The following MEIS2 variants were observed in gnomAD, a reference collection of about 807,000 sequenced individuals.
The protein encoded by MEIS2 is Meis homeobox 2.
Under a neutral mutation model 58.6 loss-of-function variants are expected in MEIS2, and 9 were observed. The observed-to-expected ratio is 0.15, with a 90% CI of 0.09 to 0.27. The LOEUF is 0.27. Ranked by LOEUF, MEIS2 falls within the 10% of genes least tolerant of loss-of-function variation. The pLI is 1.00. For missense variants in MEIS2, 427 were observed against 635.0 expected (o/e 0.67, Z 3.52); for synonymous variants, 221 against 228.4 (o/e 0.97, Z 0.29).
At chr15:37,082,240 C>T (rs1892322080) in intron 7 of MEIS2, among the ~76,000 whole-genome samples, 1 of 152,128 alleles carries the variant, frequency 6.6e-6, no homozygotes, top group Non-Finnish European at 1.5e-5. Flanking sequence ...GCGCTGGGCT[C>T]CTGAGCAAAG....
chr15:37,078,121 C>T (rs79639648), intron 7 of MEIS2, among the ~76,000 whole-genome samples: 1 of 152,026 alleles, frequency 6.6e-6, no homozygotes, highest in African/African-American at 2.4e-5. Context: ...TCAGTAATTA[C>T]CCCACCCAGT....
intron 8 of MEIS2, among the ~76,000 whole-genome samples, chr15:36,964,955 A>G (rs754977112): frequency 3.3e-5 from 5 of 152,202 alleles, no homozygotes; most frequent in Non-Finnish European, 7.3e-5. Flanking sequence ...TTTTTCTAAT[A>G]TTAGCTGCTG....
intron 6 of MEIS2, among the ~76,000 whole-genome samples, chr15:37,089,924 C>T (rs1893318744): frequency 6.6e-6 from 1 of 152,068 alleles, no homozygotes; most frequent in Non-Finnish European, 1.5e-5. Context: ...ATGTGAGTAT[C>T]ACCTGTTATT....
intron 11 of MEIS2, among the ~76,000 whole-genome samples, chr15:36,893,846 TAGAG>T (rs1180716482): frequency 1.3e-5 from 2 of 152,178 alleles, no homozygotes; most frequent in African/African-American, 2.4e-5. Context: ...TATTTACATA[TAGAG>T]AATGATTTAA....
chr15:37,085,273 C>A (rs760796230), intron 6 of MEIS2, among the ~76,000 whole-genome samples: 3 of 152,056 alleles, frequency 2.0e-5, no homozygotes, highest in Non-Finnish European at 4.4e-5. Flanking sequence ...TGGGTATAGG[C>A]AACAAATAAA....
At chr15:36,966,915 A>G (rs2059377395) in intron 8 of MEIS2, among the ~76,000 whole-genome samples, 1 of 152,144 alleles carries the variant, frequency 6.6e-6, no homozygotes, top group Non-Finnish European at 1.5e-5. Flanking sequence ...AGGAGCCCAG[A>G]GCCCTACTGC....
At chr15:37,025,479 T>G (rs1040200451) in intron 8 of MEIS2, among the ~76,000 whole-genome samples, 4 of 152,156 alleles carry the variant, frequency 2.6e-5, no homozygotes, top group African/African-American at 9.7e-5. Flanking sequence ...ATGTTTGCTT[T>G]TATCAACACA....
chr15:36,910,407 C>G (rs553439224), intron 9 of MEIS2, among the ~76,000 whole-genome samples: 1 of 152,122 alleles, frequency 6.6e-6, no homozygotes, highest in South Asian at 2.1e-4. Flanking sequence ...GTGTCACAGC[C>G]TTTAATAGAG....
intron 8 of MEIS2, among the ~76,000 whole-genome samples, chr15:37,014,335 G>A (rs866081371): frequency 6.6e-6 from 1 of 152,140 alleles, no homozygotes. Context: ...AAGTGTGGAT[G>A]CAGTACTATA....
At chr15:36,911,373 A>G (rs142544422) in intron 9 of MEIS2, among the ~76,000 whole-genome samples, 1,523 of 152,210 alleles carry the variant, frequency 0.01, 17 homozygotes, top group Non-Finnish European at 0.016. Flanking sequence ...ATTAATCAGA[A>G]CTGTGACTGA....
chr15:36,948,175 C>T (rs1434715177), intron 9 of MEIS2, among the ~76,000 whole-genome samples: 1 of 151,900 alleles, frequency 6.6e-6, no homozygotes, highest in African/African-American at 2.4e-5. Flanking sequence ...GAAGTGTCAA[C>T]GTTTATGCTG....
intron 8 of MEIS2, among the ~76,000 whole-genome samples, chr15:37,008,038 C>T (rs113052011): frequency 7.2e-5 from 11 of 152,254 alleles, no homozygotes; most frequent in African/African-American, 1.7e-4. Context: ...TTAAATCGAA[C>T]GCAGAGAATT....
intron 8 of MEIS2, among the ~76,000 whole-genome samples, chr15:37,024,681 C>T (rs1444143175): frequency 6.6e-6 from 1 of 152,186 alleles, no homozygotes; most frequent in Non-Finnish European, 1.5e-5. Flanking sequence ...AAATAAAATT[C>T]CACTTATCAC....
At chr15:36,930,631 T>A (rs2057940757) in intron 9 of MEIS2, among the ~76,000 whole-genome samples, 1 of 152,052 alleles carries the variant, frequency 6.6e-6, no homozygotes, top group Admixed American at 6.6e-5. Context: ...ATTAAAAGAA[T>A]TTCCAACTTG....
At chr15:37,058,474 T>C (rs1888746031) in intron 7 of MEIS2, among the ~76,000 whole-genome samples, 1 of 152,186 alleles carries the variant, frequency 6.6e-6, no homozygotes, top group Non-Finnish European at 1.5e-5. Context: ...GGGCCAGGGC[T>C]GAGAGTACAT....
intron 7 of MEIS2, among the ~76,000 whole-genome samples, chr15:37,063,380 T>C (rs1177595178): frequency 6.6e-6 from 1 of 152,120 alleles, no homozygotes; most frequent in Non-Finnish European, 1.5e-5. Context: ...CAGGGTGTGG[T>C]ACCCTGGTTA....
chr15:36,952,796 A>C (rs560466350), intron 8 of MEIS2, among the ~76,000 whole-genome samples: 209 of 152,240 alleles, frequency 1.4e-3, no homozygotes, highest in Non-Finnish European at 1.6e-3. Context: ...AATAACAATA[A>C]TTCTTTCCAG....
At chr15:37,005,671 C>T (rs949654320) in intron 8 of MEIS2, among the ~76,000 whole-genome samples, 1 of 152,160 alleles carries the variant, frequency 6.6e-6, no homozygotes, top group Admixed American at 6.5e-5. Flanking sequence ...TCCTCCGCCT[C>T]TCAGCCTCCC....
chr15:37,029,227 G>C (rs1436667757), intron 8 of MEIS2, among the ~76,000 whole-genome samples: 2 of 152,184 alleles, frequency 1.3e-5, no homozygotes, highest in East Asian at 3.9e-4. Context: ...GGTACTTTCA[G>C]CTGTGTGTTC....
Sources: allele counts gnomAD v4.1 joint callset (sites outside exome capture counted in the v4.1 genomes callset), GRCh38; gene constraint gnomAD v4.1.1; transcripts MANE v1.5; gene names NCBI Gene and HGNC (gene_info 2026-07-23, HGNC 2026-07-21).